Variants in KCNB2 observed in about 807,000 individuals in gnomAD.
KCNB2 encodes the protein delayed rectifier potassium channel protein.
A neutral mutation model predicts 61.5 loss-of-function variants in KCNB2; 15 were observed. The observed-to-expected ratio is 0.24, with a 90% CI of 0.16 to 0.38. The LOEUF (loss-of-function observed/expected upper bound fraction) is 0.38. Among genes scored for constraint, KCNB2 ranks in the 10% least tolerant of loss-of-function variants. The probability of loss-of-function intolerance (pLI) is 1.00; values close to 1 mark genes in which losing one functional copy is unlikely to be tolerated. For missense variants in KCNB2, 828 were observed against 1,125.2 expected, an observed-to-expected ratio of 0.74 and a Z score of 3.78; for synonymous variants, 457 against 446.0, an observed-to-expected ratio of 1.02 and a Z score of -0.31.
intron 2 of KCNB2, among the ~76,000 whole-genome samples, chr8:72,795,685 C>T (rs767453570): frequency 4.6e-5 from 7 of 152,128 alleles, no homozygotes; most frequent in Non-Finnish European, 1.0e-4. Flanking sequence ...TCCTAAAATG[C>T]CTCATACATA....
intron 2 of KCNB2, among the ~76,000 whole-genome samples, chr8:72,872,799 A>AAC (rs1169802090): frequency 1.3e-5 from 2 of 152,202 alleles, no homozygotes; most frequent in Non-Finnish European, 2.9e-5. Flanking sequence ...TAAGTTCTAG[A>AAC]ACAAGTCTAA....
intron 2 of KCNB2, among the ~76,000 whole-genome samples, chr8:72,581,648 G>A (rs576376082): frequency 2.0e-5 from 3 of 152,298 alleles, no homozygotes; most frequent in East Asian, 1.9e-4. Flanking sequence ...TAAGAAAGCC[G>A]GATGTCTTCC....
chr8:72,722,952 T>A (rs1292734347), intron 2 of KCNB2, among the ~76,000 whole-genome samples: 2 of 152,112 alleles, frequency 1.3e-5, no homozygotes, highest in East Asian at 1.9e-4. Context: ...GAGCTCTGTC[T>A]TTTTCTCACC....
rs376957162 is a variant in KCNB2 at position 72,919,415 on chromosome 8, T to G, written c.580-16520T>G. On this transcript the variant is annotated intron_variant, in intron 2 of 2. Coordinates refer to ENST00000523207, the MANE Select transcript of KCNB2 (RefSeq NM_004770.3). The stretch of plus-strand genomic sequence containing the variant: ...AGAAAGACTTTTGGGAGGGTGGGGG[T>G]AATGGGTAGTTTTTAAACTGGGACT... 1.8e-4 allele frequency among the ~76,000 whole-genome samples: 28 copies of G among 152,152 alleles called. 1 individual carries two copies. The South Asian group carries it at 5.6e-3, about 30-fold the overall frequency.
At chr8:72,917,003 A>G (rs1806414213) in intron 2 of KCNB2, among the ~76,000 whole-genome samples, 1 of 152,230 alleles carries the variant, frequency 6.6e-6, no homozygotes, top group Admixed American at 6.5e-5. Context: ...GCTGGAAAAC[A>G]GGGATGGAAT....
intron 2 of KCNB2, among the ~76,000 whole-genome samples, chr8:72,607,201 C>G (rs1197029965): frequency 6.6e-6 from 1 of 151,990 alleles, no homozygotes; most frequent in Non-Finnish European, 1.5e-5. Context: ...TGACACATAT[C>G]AAAGGCAACC....
chr8:72,937,264 C>T lies in KCNB2; in HGVS notation c.1909C>T (p.Leu637Phe), dbSNP rs755683921. Residue 637 changes from leucine (L) to phenylalanine (F), a missense_variant, in exon 3 of 3, where the codon CTC becomes TTC. Around this residue, in one of 4 missense-constraint regions of KCNB2, gnomAD observed 559 missense variants for 588.4 expected, o/e 0.95. Transcript: ENST00000523207. Reference protein sequence around the residue: ...SHLQMKFPTDLPGTEEHQRAR... With the variant: ...SHLQMKFPTDFPGTEEHQRAR... ...CTTGCAGATGAAGTTCCCAACCGAC[C>T]TCCCAGGGACAGAAGAGCACCAAAG... is the stretch of plus-strand genomic sequence containing the variant. 1.9e-6 allele frequency: 3 copies of T among 1,613,932 alleles called. No individual in the cohort carries two copies.
At chr8:72,911,666 C>T (rs1290080859) in intron 2 of KCNB2, among the ~76,000 whole-genome samples, 1 of 152,206 alleles carries the variant, frequency 6.6e-6, no homozygotes, top group African/African-American at 2.4e-5. Flanking sequence ...GGCTGACTTG[C>T]AGCGGGTGAT....
At chr8:72,554,177 C>G (rs12541900) in intron 1 of KCNB2, among the ~76,000 whole-genome samples, 64,138 of 151,926 alleles carry the variant, frequency 0.42, 17,013 homozygotes, top group Non-Finnish European at 0.57. Context: ...ACCAAAAGTT[C>G]CTGTAATATT....
At chr8:72,545,107 A>T (rs961171547) in intron 1 of KCNB2, among the ~76,000 whole-genome samples, 1 of 152,178 alleles carries the variant, frequency 6.6e-6, no homozygotes, top group Non-Finnish European at 1.5e-5. Context: ...CCTCAACTCC[A>T]GAAAACAACC....
In KCNB2 at chr8:72,746,039, C is replaced by G. The variant is rs530545742; in HGVS notation, c.579+177726C>G. Among the ~76,000 whole-genome samples, 158 of 152,300 alleles carry G rather than the reference C, an allele frequency of 1.0e-3. 1 individual carries two copies. The highest frequency in any genetic ancestry group is 1.8e-3 in the Non-Finnish European group (124 of 68,018). ...TGTAATCAATTATCTGTTCTGTGTA[C>G]TAGTCCTGAGTACAATTTAGGTTGC... On this transcript the variant is annotated intron_variant, in intron 2 of 2. Coordinates refer to ENST00000523207, the MANE Select transcript of KCNB2 (RefSeq NM_004770.3).
At chr8:72,569,021 A>G (rs928143614) in intron 2 of KCNB2, among the ~76,000 whole-genome samples, 1 of 152,038 alleles carries the variant, frequency 6.6e-6, no homozygotes, top group African/African-American at 2.4e-5. Context: ...GTGACTGCAT[A>G]TATCTAAATC....
chr8:72,567,352 A>G (rs558914249), intron 1 of KCNB2, among the ~76,000 whole-genome samples: 160 of 152,258 alleles, frequency 1.1e-3, no homozygotes, highest in African/African-American at 3.5e-3. Context: ...TTTAGTCTGC[A>G]GCTTGAGAAA....
At chr8:72,860,644 C>A (rs1044234393) in intron 2 of KCNB2, among the ~76,000 whole-genome samples, 1 of 152,180 alleles carries the variant, frequency 6.6e-6, no homozygotes, top group Non-Finnish European at 1.5e-5. Context: ...CATCTCATAG[C>A]AAGCAGGCCC....
At chr8:72,653,919 G>T (rs1444029333) in intron 2 of KCNB2, among the ~76,000 whole-genome samples, 1 of 152,138 alleles carries the variant, frequency 6.6e-6, no homozygotes, top group Non-Finnish European at 1.5e-5. Context: ...AGATATCTGG[G>T]TTCTTTTTTA....
chr8:72,563,912 G>A (rs979157013), intron 1 of KCNB2, among the ~76,000 whole-genome samples: 2 of 152,070 alleles, frequency 1.3e-5, no homozygotes, highest in Non-Finnish European at 2.9e-5. Flanking sequence ...TTTTAACCAT[G>A]GTAACAATAA....
intron 2 of KCNB2, among the ~76,000 whole-genome samples, chr8:72,718,701 C>G (rs905609333): frequency 2.6e-5 from 4 of 151,518 alleles, no homozygotes; most frequent in African/African-American, 9.7e-5. Flanking sequence ...ATTAGGAGAT[C>G]TACCTAATGC....
At chr8:72,738,504 C>T (rs545459116) in intron 2 of KCNB2, among the ~76,000 whole-genome samples, 2 of 152,294 alleles carry the variant, frequency 1.3e-5, no homozygotes, top group African/African-American at 4.8e-5. Flanking sequence ...TTTGTTTCCT[C>T]CTTCTCAGCT....
At chr8:72,926,274 G>A (rs1806646846) in intron 2 of KCNB2, among the ~76,000 whole-genome samples, 1 of 152,010 alleles carries the variant, frequency 6.6e-6, no homozygotes, top group African/African-American at 2.4e-5. Context: ...AGAAAGAAAT[G>A]TTTAAGAGAA....
Sources: allele counts gnomAD v4.1 joint callset (sites outside exome capture counted in the v4.1 genomes callset), GRCh38; gene constraint gnomAD v4.1.1; regional missense constraint gnomAD v4.1.1; transcripts MANE v1.5; gene names NCBI Gene and HGNC (gene_info 2026-07-23, HGNC 2026-07-21).